The following USP10 variants were observed in gnomAD, a reference collection of about 807,000 sequenced individuals.
USP10 encodes ubiquitin specific peptidase 10.
USP10 carries 22 observed loss-of-function variants against 84.5 expected under a neutral mutation model. The ratio of observed to expected loss-of-function variants is 0.26; its 90% confidence interval spans 0.19 to 0.37. The LOEUF (loss-of-function observed/expected upper bound fraction) is 0.37, where lower values mean the gene tolerates loss of function less well. Ranked by LOEUF, USP10 falls within the 10% of genes least tolerant of loss-of-function variation. USP10 has a pLI of 1.00. For missense variants in USP10, 1,019 were observed against 998.9 expected (o/e 1.02, Z -0.27); for synonymous variants, 454 against 387.6 (o/e 1.17, Z -2.01).
chr16:84,748,557 G>A (rs1243598797), intron 4 of USP10, among the ~76,000 whole-genome samples: 1 of 152,158 alleles, frequency 6.6e-6, no homozygotes, highest in Admixed American at 6.5e-5. Context: ...TCCTGCCTCA[G>A]CCTCTCAAAG....
chr16:84,703,345 G>A (rs1905123496), intron 1 of USP10, among the ~76,000 whole-genome samples: 1 of 152,142 alleles, frequency 6.6e-6, no homozygotes, highest in African/African-American at 2.4e-5. Context: ...CCACAATAAT[G>A]CTTCCTACAC....
At position 84,763,962 on chromosome 16, in the gene USP10, G is replaced by A. The variant is rs577561017; in HGVS notation, c.1655-124G>A. ...GTTGCTCCTGTTGCGATTGGTTGCCGTGGCTCCTAATGTAGACCACACCCT... is the reference window on the plus strand; with the variant it reads ...GTTGCTCCTGTTGCGATTGGTTGCCATGGCTCCTAATGTAGACCACACCCT... On this transcript the variant is annotated intron_variant, in intron 9 of 13. Coordinates refer to ENST00000219473, the MANE Select transcript of USP10 (RefSeq NM_005153.3). 247 of 1,250,250 alleles carry A rather than the reference G, an allele frequency of 2.0e-4. 1 individual carries two copies. The South Asian group carries it at 2.9e-3, about 15-fold the overall frequency. The allele number at this position is 1,250,250 out of a possible 1,614,324, so 77.4% of individuals were successfully genotyped here.
chr16:84,759,184 A>G, intron 5 of USP10, 179 bp from the exon 6 acceptor site: 2 of 634,432 alleles, frequency 3.2e-6, no homozygotes, highest in Middle Eastern at 4.3e-4. Flanking sequence ...TTATATGGAC[A>G]TCACAGGACA....
intron 4 of USP10, among the ~76,000 whole-genome samples, chr16:84,748,677 C>T (rs986498623): frequency 6.6e-6 from 1 of 152,148 alleles, no homozygotes; most frequent in East Asian, 1.9e-4. Flanking sequence ...TTTTCTCTAT[C>T]TTTATTTAAA....
chr16:84,759,342 T>G (rs1341620246), intron 5 of USP10, 21 bp from the exon 6 acceptor site: 1 of 1,610,144 alleles, frequency 6.2e-7, no homozygotes, highest in East Asian at 2.2e-5. Context: ...TCCTTTACGC[T>G]TCCTTACTGC....
rs771416056 is a variant in USP10, at chr16:84,779,095, CTG to C, written c.*20_*21del. On this transcript the variant is annotated 3_prime_UTR_variant, in exon 14 of 14. Coordinates refer to ENST00000219473, the MANE Select transcript of USP10 (RefSeq NM_005153.3). ...GGACCTGCTGTAAACCCTGTGTGCG[CTG>C]TGTGTGCGCCCAGTGCCCGCTTCGT... 6.2e-7 allele frequency: 1 copy of C among 1,607,796 alleles called. No individual in the cohort carries two copies.
chr16:84,727,515 A>T (rs1228107085), intron 1 of USP10, among the ~76,000 whole-genome samples: 1 of 152,246 alleles, frequency 6.6e-6, no homozygotes, highest in African/African-American at 2.4e-5. Flanking sequence ...AAATAGTTTG[A>T]AACTTGAAAA....
intron 1 of USP10, among the ~76,000 whole-genome samples, chr16:84,717,219 C>G (rs572906468): frequency 6.6e-6 from 1 of 152,170 alleles, no homozygotes; most frequent in South Asian, 2.1e-4. Flanking sequence ...GTTCTGAAAT[C>G]ATACGCAGAA....
At chr16:84,757,393 A>AG (rs1555546426) in intron 4 of USP10, among the ~76,000 whole-genome samples, 36 of 96,226 alleles carry the variant, frequency 3.7e-4, no homozygotes, top group South Asian at 2.8e-3. Flanking sequence ...AGGGAATGAG[A>AG]GGGGTGGGGG....
rs575487855 is a variant in USP10 at position 84,701,937 on chromosome 16, C to CT, written c.21+1843dup. On this transcript the variant is annotated intron_variant, in intron 1 of 13. Coordinates refer to ENST00000219473, the MANE Select transcript of USP10 (RefSeq NM_005153.3). Reference sequence around the variant, plus strand: ...TTTGATTTCTCATAATTTTCTTCTTCTTTTTTTTTTTTTTTTTGAGTTGGA... The same window carrying CT: ...TTTGATTTCTCATAATTTTCTTCTTCTTTTTTTTTTTTTTTTTTGAGTTGGA... Among the ~76,000 whole-genome samples the CT allele has an allele frequency of 1.8e-3, 222 of 124,552 alleles. 7 individuals carry two copies. The highest frequency in any genetic ancestry group is 3.8e-3 in the African/African-American group (126 of 32,762). 81.7% of individuals were successfully genotyped at this position (124,552 alleles called of 152,430 possible).
At chr16:84,761,557 C>T (rs1215477848) in intron 8 of USP10, among the ~76,000 whole-genome samples, 2 of 152,226 alleles carry the variant, frequency 1.3e-5, no homozygotes, top group Non-Finnish European at 2.9e-5. Context: ...CGCGTAACTA[C>T]TCCAGCACCA....
intron 1 of USP10, among the ~76,000 whole-genome samples, chr16:84,706,636 G>C (rs1247813123): frequency 6.6e-6 from 1 of 151,610 alleles, no homozygotes; most frequent in Non-Finnish European, 1.5e-5. Context: ...CGCCTCCCGG[G>C]TTCACGCCAT....
At chr16:84,758,068 T>TACACAGAAAG (rs1912792462) in intron 4 of USP10, among the ~76,000 whole-genome samples, 1 of 152,246 alleles carries the variant, frequency 6.6e-6, no homozygotes, top group African/African-American at 2.4e-5. Flanking sequence ...GAAAGAGTGA[T>TACACAGAAAG]GTCCACTCAG....
Position 84,737,755 on chromosome 16 carries a change from C to A in USP10, c.91-2554C>A, listed in dbSNP as rs541681765. Among the ~76,000 whole-genome samples, 3 of 152,346 alleles carry A rather than the reference C, an allele frequency of 2.0e-5. No homozygotes were observed. In the South Asian group the frequency reaches 6.2e-4, roughly 32 times the overall value. On this transcript the variant is annotated intron_variant, in intron 2 of 13. Coordinates refer to ENST00000219473, the MANE Select transcript of USP10 (RefSeq NM_005153.3). ...AGCTGGCAGTGTCGCCTGGCTTCCT[C>A]ATCTGTCAGAGGGCCACAGTAACAG...
At chr16:84,740,048 G>A (rs1910443114) in intron 2 of USP10, among the ~76,000 whole-genome samples, 1 of 152,198 alleles carries the variant, frequency 6.6e-6, no homozygotes, top group Non-Finnish European at 1.5e-5. Context: ...GTCCATTGGA[G>A]TTCATTTTTA....
intron 3 of USP10, among the ~76,000 whole-genome samples, chr16:84,743,632 T>A (rs151054739): frequency 0.01 from 1,537 of 152,348 alleles, 10 homozygotes; most frequent in Middle Eastern, 0.017. Flanking sequence ...CATGTGTCCT[T>A]CCCTTAACTT....
At chr16:84,748,248 A>G (rs752886418) in intron 4 of USP10, among the ~76,000 whole-genome samples, 1 of 151,660 alleles carries the variant, frequency 6.6e-6, no homozygotes, top group Non-Finnish European at 1.5e-5. Context: ...TGAGAAATGC[A>G]TGGTGGGGTC....
chr16:84,760,138 A>C, intron 7 of USP10, 34 bp from the exon 8 acceptor site: 1 of 1,575,814 alleles, frequency 6.3e-7, no homozygotes, highest in Non-Finnish European at 8.6e-7. Context: ...AGTTCATTGT[A>C]GTTAGGAAAA....
At chr16:84,719,936 T>C (rs1907563311) in intron 1 of USP10, among the ~76,000 whole-genome samples, 1 of 152,228 alleles carries the variant, frequency 6.6e-6, no homozygotes, top group East Asian at 1.9e-4. Context: ...TTGCATTCTT[T>C]TATTTTCAAC....
Sources: gnomAD v4.1 joint callset for allele counts (sites outside exome capture counted in the v4.1 genomes callset) on GRCh38, gnomAD v4.1.1 for gene constraint, MANE v1.5 for transcripts, NCBI Gene and HGNC (gene_info 2026-07-23, HGNC 2026-07-21) for gene names.